The following ACOXL variants were observed in gnomAD, a reference collection of about 807,000 sequenced individuals.
The protein encoded by ACOXL is acyl-CoA oxidase like, also known as acyl-coenzyme A oxidase-like protein.
In ACOXL, 70 loss-of-function variants were observed where a neutral mutation model predicts 71.9. That is an observed-to-expected ratio of 0.97 (90% CI 0.80 to 1.19). The LOEUF is 1.19. Ranked by LOEUF, ACOXL falls within the 50% of genes most tolerant of loss-of-function variation. The pLI is 0.00. For synonymous variants in ACOXL, 253 were observed against 281.6 expected (o/e 0.90, Z 1.02); for missense variants, 703 against 736.3 (o/e 0.95, Z 0.52).
chr2:111,117,214 C>T (rs1262000345), intron 17 of ACOXL, among the ~76,000 whole-genome samples: 1 of 152,186 alleles, frequency 6.6e-6, no homozygotes, highest in Non-Finnish European at 1.5e-5. Flanking sequence ...CCAGGCACTC[C>T]AGAGGTGGAG....
At chr2:110,797,094 T>C (rs980356452) in intron 5 of ACOXL, among the ~76,000 whole-genome samples, 36 of 152,314 alleles carry the variant, frequency 2.4e-4, no homozygotes, top group African/African-American at 8.4e-4. Flanking sequence ...CAGTTCCTTT[T>C]TGGCAAGAGG....
intron 10 of ACOXL, among the ~76,000 whole-genome samples, chr2:110,853,021 T>A (rs1253230110): frequency 2.0e-5 from 3 of 152,162 alleles, no homozygotes; most frequent in African/African-American, 7.2e-5. Flanking sequence ...CATACAATGT[T>A]CCTCCTCCAG....
At chr2:110,975,269 C>A (rs1299185691) in intron 12 of ACOXL, among the ~76,000 whole-genome samples, 1 of 152,108 alleles carries the variant, frequency 6.6e-6, no homozygotes, top group Non-Finnish European at 1.5e-5. Context: ...CTTTTACAGT[C>A]AAAAATTTCA....
intron 15 of ACOXL, among the ~76,000 whole-genome samples, chr2:111,039,855 C>T (rs1350238735): frequency 3.3e-5 from 5 of 152,080 alleles, no homozygotes; most frequent in East Asian, 1.9e-4. Context: ...TTAAAGTGCA[C>T]GAATCATGCA....
At chr2:110,985,898 C>T (rs916292218) in intron 12 of ACOXL, among the ~76,000 whole-genome samples, 7 of 152,184 alleles carry the variant, frequency 4.6e-5, no homozygotes, top group Admixed American at 1.3e-4. Flanking sequence ...AAAGCTTCCC[C>T]AGGCAAAAAT....
At chr2:111,083,166 A>G (rs1025399999) in intron 16 of ACOXL, among the ~76,000 whole-genome samples, 5 of 152,170 alleles carry the variant, frequency 3.3e-5, no homozygotes, top group African/African-American at 7.2e-5. Context: ...CATGTATCCC[A>G]GAACTTAAAT....
At chr2:110,924,269 G>A (rs911010020) in intron 11 of ACOXL, among the ~76,000 whole-genome samples, 1 of 152,202 alleles carries the variant, frequency 6.6e-6, no homozygotes, top group African/African-American at 2.4e-5. Flanking sequence ...GAGCAGGTTG[G>A]TAATTGCTGA....
chr2:111,104,524 A>T (rs1050984306), intron 17 of ACOXL, among the ~76,000 whole-genome samples: 1 of 152,182 alleles, frequency 6.6e-6, no homozygotes, highest in South Asian at 2.1e-4. Context: ...TTTCTATGTT[A>T]ACCATTCTGA....
chr2:110,884,346 AG>A (rs1697044105), intron 10 of ACOXL, among the ~76,000 whole-genome samples: 1 of 152,190 alleles, frequency 6.6e-6, no homozygotes, highest in South Asian at 2.1e-4. Flanking sequence ...TGGTACAGGG[AG>A]GGTATCTTTC....
chr2:110,793,801 T>C (rs998129753), intron 4 of ACOXL, 65 bp downstream of exon 4: 3 of 1,249,902 alleles, frequency 2.4e-6, no homozygotes, highest in Admixed American at 1.7e-5. Context: ...TAGATAGATA[T>C]GCATGTGTGT....
chr2:110,769,851 AAAAT>A (rs1441071010), intron 2 of ACOXL, among the ~76,000 whole-genome samples: 11 of 151,414 alleles, frequency 7.3e-5, no homozygotes, highest in African/African-American at 2.4e-4. Flanking sequence ...AAAATAAAAT[AAAAT>A]AAAAAACCCC....
chr2:110,915,350 A>ATATATATATATATATATATATG (rs1491355100), intron 11 of ACOXL, among the ~76,000 whole-genome samples: 33 of 113,596 alleles, frequency 2.9e-4, no homozygotes, highest in Non-Finnish European at 5.5e-4. Flanking sequence ...ATATATATAT[A>ATATATATATATATATATATATG]TGTGTGTGTG....
intron 11 of ACOXL, among the ~76,000 whole-genome samples, chr2:110,921,685 G>C (rs1022873260): frequency 4.0e-5 from 6 of 151,682 alleles, no homozygotes; most frequent in African/African-American, 1.5e-4. Flanking sequence ...GAGCCACCGC[G>C]CCTGGCCTTC....
chr2:110,817,581 C>A (rs569503666), intron 9 of ACOXL, among the ~76,000 whole-genome samples: 1 of 152,254 alleles, frequency 6.6e-6, no homozygotes, highest in East Asian at 1.9e-4. Context: ...GCCAACCTGG[C>A]CCATGAGAGA....
intron 15 of ACOXL, among the ~76,000 whole-genome samples, chr2:111,046,968 G>T (rs1048460591): frequency 2.0e-5 from 3 of 152,196 alleles, no homozygotes; most frequent in African/African-American, 4.8e-5. Context: ...GGGCATGGAG[G>T]CTGGGAAAGA....
intron 3 of ACOXL, among the ~76,000 whole-genome samples, chr2:110,787,699 C>T (rs571917875): frequency 6.6e-6 from 1 of 152,120 alleles, no homozygotes; most frequent in Admixed American, 6.5e-5. Context: ...ATCTGTTCCA[C>T]TCTCCTCTTC....
chr2:110,949,398 A>G (rs201624971), intron 12 of ACOXL, among the ~76,000 whole-genome samples: 1 of 149,218 alleles, frequency 6.7e-6, no homozygotes, highest in East Asian at 2.0e-4. Context: ...TTTCTATTTT[A>G]TTGGTCAGAG....
In ACOXL at chr2:110,936,076, C is replaced by T. The variant is rs115178801; in HGVS notation, c.1059+2434C>T. Among the ~76,000 whole-genome samples, 1,374 of 152,156 alleles carry T rather than the reference C, an allele frequency of 9.0e-3. 18 individuals are homozygous for T. Among genetic ancestry groups the T allele is most frequent in the African/African-American group, 0.031 (1,289 of 41,508 alleles). On this transcript the variant is annotated intron_variant, in intron 12 of 17. Coordinates refer to ENST00000439055, the MANE Select transcript of ACOXL (RefSeq NM_001142807.4). ...ACCACTTACCTCTTGCTGTGTGGCC[C>T]GGTTCCTAATAGGCCATGGTCTGGT...
At chr2:110,978,395 G>A (rs184955955) in intron 12 of ACOXL, among the ~76,000 whole-genome samples, 1 of 152,166 alleles carries the variant, frequency 6.6e-6, no homozygotes, top group Non-Finnish European at 1.5e-5. Context: ...ATACTATTAC[G>A]TTGGCAACAC....
Sources: gnomAD v4.1 joint callset for allele counts (sites outside exome capture counted in the v4.1 genomes callset) on GRCh38, gnomAD v4.1.1 for gene constraint, MANE v1.5 for transcripts, NCBI Gene and HGNC (gene_info 2026-07-23, HGNC 2026-07-21) for gene names.